VRK2: variants seen among roughly 807,000 people sequenced by gnomAD.
The protein encoded by VRK2 is VRK serine/threonine kinase 2.
In VRK2, 60 loss-of-function variants were observed where a neutral mutation model predicts 57.6. The observed-to-expected ratio is 1.04, with a 90% CI of 0.85 to 1.29. VRK2 has a LOEUF of 1.29. Ranked by LOEUF, VRK2 falls within the 50% of genes most tolerant of loss-of-function variation. VRK2 has a pLI of 0.00. For synonymous variants in VRK2, 231 were observed against 199.2 expected (o/e 1.16, Z -1.35); for missense variants, 705 against 588.1 (o/e 1.20, Z -2.06).
chr2:58,096,720 C>T (rs527526075), intron 7 of VRK2, among the ~76,000 whole-genome samples: 2 of 151,540 alleles, frequency 1.3e-5, no homozygotes, highest in Non-Finnish European at 3.0e-5. Flanking sequence ...TAATTTCTGA[C>T]TTTTTCTTTA....
At chr2:58,028,517 G>C (rs1674003361) in intron 2 of VRK2, 1 of 152,042 alleles carries the variant, frequency 6.6e-6, no homozygotes, top group Admixed American at 6.6e-5. Context: ...TCTAGTTCTA[G>C]ATTCCTGAGG....
intron 1 of VRK2, among the ~76,000 whole-genome samples, chr2:58,006,927 T>A (rs1251085392): frequency 6.6e-6 from 1 of 152,096 alleles, no homozygotes; most frequent in Non-Finnish European, 1.5e-5. Flanking sequence ...CCAGTTTACA[T>A]ACAGATCCAG....
chr2:57,950,748 A>G (rs763816921), intron 1 of VRK2, among the ~76,000 whole-genome samples: 1 of 152,192 alleles, frequency 6.6e-6, no homozygotes, highest in Non-Finnish European at 1.5e-5. Context: ...ATCCGGGGAA[A>G]ATAAATTTAA....
chr2:58,097,248 G>C (rs559819539), intron 7 of VRK2, among the ~76,000 whole-genome samples: 2 of 152,042 alleles, frequency 1.3e-5, no homozygotes, highest in African/African-American at 4.8e-5. Flanking sequence ...TGTACTAAGA[G>C]TGGTGTTTAA....
intron 2 of VRK2, among the ~76,000 whole-genome samples, chr2:58,063,203 T>A (rs1223834355): frequency 1.3e-5 from 2 of 151,718 alleles, no homozygotes; most frequent in Non-Finnish European, 1.5e-5. Flanking sequence ...TTTCTTATTT[T>A]AAAAATTGTG....
At chr2:58,027,703 A>G (rs137865899) in intron 2 of VRK2, among the ~76,000 whole-genome samples, 2 of 152,314 alleles carry the variant, frequency 1.3e-5, no homozygotes, top group East Asian at 1.9e-4. Context: ...AGAAATAATG[A>G]CATAACTTTA....
chr2:58,154,429 CTAAT>C (rs945509705), intron 12 of VRK2, among the ~76,000 whole-genome samples: 9 of 151,794 alleles, frequency 5.9e-5, no homozygotes, highest in Admixed American at 1.3e-4. Flanking sequence ...TTAACTCACA[CTAAT>C]TAACAAATCC....
At chr2:57,973,264 TA>T (rs1234616580) in intron 1 of VRK2, among the ~76,000 whole-genome samples, 1 of 151,864 alleles carries the variant, frequency 6.6e-6, no homozygotes, top group Non-Finnish European at 1.5e-5. Context: ...CTCTTACGGA[TA>T]AATTTGAACA....
intron 7 of VRK2, among the ~76,000 whole-genome samples, chr2:58,096,770 T>C (rs1037489668): frequency 6.6e-6 from 1 of 151,774 alleles, no homozygotes; most frequent in Non-Finnish European, 1.5e-5. Context: ...TACCTTTCTC[T>C]TCTTTTTCTA....
At chr2:58,092,111 ACC>A (rs1239632952) in intron 7 of VRK2, among the ~76,000 whole-genome samples, 1 of 152,184 alleles carries the variant, frequency 6.6e-6, no homozygotes, top group African/African-American at 2.4e-5. Flanking sequence ...GTATCATGTA[ACC>A]ACTACTGCCA....
upstream of VRK2, chr2:58,046,750 G>T: frequency 1.0e-6 from 1 of 985,530 alleles, no homozygotes; most frequent in Non-Finnish European, 1.2e-6. Context: ...CCTAGGGAGG[G>T]CAGGCTCGAG....
At chr2:58,121,020 T>G (rs1319132623) in intron 7 of VRK2, among the ~76,000 whole-genome samples, 1 of 152,246 alleles carries the variant, frequency 6.6e-6, no homozygotes, top group East Asian at 1.9e-4. Context: ...TTAACTTGAC[T>G]GGTACTATTG....
intron 7 of VRK2, among the ~76,000 whole-genome samples, chr2:58,101,138 C>T (rs1262308715): frequency 5.3e-5 from 8 of 151,450 alleles, no homozygotes; most frequent in African/African-American, 1.7e-4. Flanking sequence ...TCCATGGTTT[C>T]GATATTTAAA....
At chr2:57,994,164 T>A (rs1280067997) in intron 1 of VRK2, among the ~76,000 whole-genome samples, 1 of 152,156 alleles carries the variant, frequency 6.6e-6, no homozygotes, top group Non-Finnish European at 1.5e-5. Flanking sequence ...AACTTTATGG[T>A]CATTGAAATT....
At chr2:57,943,612 T>G (rs1217802886) in intron 1 of VRK2, among the ~76,000 whole-genome samples, 1 of 152,196 alleles carries the variant, frequency 6.6e-6, no homozygotes, top group Non-Finnish European at 1.5e-5. Flanking sequence ...AGTCAGCTAC[T>G]TAAAGGTCAA....
At chr2:58,059,173 T>G (rs1476410503) in intron 2 of VRK2, among the ~76,000 whole-genome samples, 1 of 152,044 alleles carries the variant, frequency 6.6e-6, no homozygotes, top group African/African-American at 2.4e-5. Context: ...TGTTAGGCAC[T>G]GGAACAATTA....
intron 2 of VRK2, among the ~76,000 whole-genome samples, chr2:58,028,068 C>T (rs1673988016): frequency 6.6e-6 from 1 of 152,178 alleles, no homozygotes; most frequent in African/African-American, 2.4e-5. Flanking sequence ...TAGACTCAAA[C>T]AATCCCTTAA....
In VRK2 at chr2:58,002,406, C is replaced by G. The variant is rs1188538760; in HGVS notation, c.-438-23259C>G. Among the ~76,000 whole-genome samples the G allele has an allele frequency of 3.9e-5, 6 of 152,072 alleles. No homozygotes were observed. In the East Asian group the frequency reaches 1.2e-3, roughly 29 times the overall value. ...GGCAGAATTGCTTGAACCCAGAAGGCAGAGGATGCAGTGAGCCAAGACCAT... is the reference window on the plus strand; with the variant it reads ...GGCAGAATTGCTTGAACCCAGAAGGGAGAGGATGCAGTGAGCCAAGACCAT... On this transcript the variant is annotated intron_variant, in intron 1 of 15. Transcript: ENST00000417641.
At chr2:58,145,224 C>G (rs2104642671) in intron 11 of VRK2, among the ~76,000 whole-genome samples, 1 of 152,078 alleles carries the variant, frequency 6.6e-6, no homozygotes, top group Admixed American at 6.6e-5. Context: ...GACAGTCAGG[C>G]ATCCCCCAGA....
Sources: allele counts gnomAD v4.1 joint callset (sites outside exome capture counted in the v4.1 genomes callset), GRCh38; gene constraint gnomAD v4.1.1; transcripts MANE v1.5; gene names NCBI Gene and HGNC (gene_info 2026-07-23, HGNC 2026-07-21).